GALNT18: variants seen among roughly 807,000 people sequenced by gnomAD.
The protein encoded by GALNT18 is GalNAc-transferase 18.
A neutral mutation model predicts 69.5 loss-of-function variants in GALNT18; 44 were observed. The observed-to-expected ratio is 0.63, with a 90% confidence interval of 0.50 to 0.81. GALNT18 has a LOEUF of 0.81. Among genes scored for constraint, GALNT18 ranks in the 40% least tolerant of loss-of-function variants. The pLI is 0.00. For synonymous variants in GALNT18, 364 were observed against 318.2 expected, an observed-to-expected ratio of 1.14 and a Z score of -1.53; for missense variants, 715 against 810.0, an observed-to-expected ratio of 0.88 and a Z score of 1.42.
intron 6 of GALNT18, chr11:11,351,842 T>A: frequency 1.1e-6 from 1 of 892,926 alleles, no homozygotes; most frequent in Non-Finnish European, 1.7e-6. Context: ...TCAGACACGT[T>A]GCTTCTGAAG....
intron 1 of GALNT18, among the ~76,000 whole-genome samples, chr11:11,522,950 CCT>C (rs1399938247): frequency 6.6e-6 from 1 of 152,184 alleles, no homozygotes; most frequent in East Asian, 1.9e-4. Flanking sequence ...AACTTCTTCC[CCT>C]GTCCTCAGAT....
chr11:11,502,979 C>T (rs758328902), intron 1 of GALNT18, among the ~76,000 whole-genome samples: 11 of 152,154 alleles, frequency 7.2e-5, no homozygotes, highest in Non-Finnish European at 1.0e-4. Flanking sequence ...TTGCAGTTCC[C>T]GTCAAAATGT....
rs753505729 is a variant in GALNT18, at chr11:11,463,879, C to T, written c.236-14943G>A. On this transcript the variant is annotated intron_variant, in intron 1 of 10. Coordinates refer to ENST00000227756, the MANE Select transcript of GALNT18 (RefSeq NM_198516.3). The surrounding 1 kb of genome is among the most constrained non-coding windows in gnomAD (Gnocchi z 4.2). The stretch of plus-strand genomic sequence containing the variant: ...TATTATGAATGCAGTATGTGTCCGG[C>T]GGAATGTGTGCAAAAACCGTCATGC... 6.6e-6 allele frequency among the ~76,000 whole-genome samples: 1 copy of T among 152,046 alleles called. No individual in the cohort carries two copies. The highest frequency in any genetic ancestry group is 1.9e-4 in the East Asian group (1 of 5,192).
chr11:11,361,868 C>A (rs1452684070), intron 6 of GALNT18, among the ~76,000 whole-genome samples: 1 of 152,160 alleles, frequency 6.6e-6, no homozygotes, highest in African/African-American at 2.4e-5. Flanking sequence ...TCTTCCCCTC[C>A]TTTGAATCCA....
At position 11,563,924 on chromosome 11, in the gene GALNT18, T is replaced by C. The variant is rs1237577789; in HGVS notation, c.235+57435A>G. 6.6e-6 allele frequency among the ~76,000 whole-genome samples: 1 copy of C among 152,066 alleles called. No homozygotes were observed. Among genetic ancestry groups the C allele is most frequent in the Non-Finnish European group, 1.5e-5 (1 of 68,006 alleles). Reference sequence around the variant, plus strand: ...AGTTCTGAAAGCAAGAAACTGTTGATAGAGGAAAAAATGCAGAGAGAAGGA... The same window carrying C: ...AGTTCTGAAAGCAAGAAACTGTTGACAGAGGAAAAAATGCAGAGAGAAGGA... On this transcript the variant is annotated intron_variant, in intron 1 of 10. Transcript: ENST00000227756. This position sits in a 1 kb window ranked among gnomAD's most constrained non-coding sequence, Gnocchi z 4.6.
intron 1 of GALNT18, among the ~76,000 whole-genome samples, chr11:11,466,540 C>A (rs1158070312): frequency 6.6e-6 from 1 of 152,172 alleles, no homozygotes; most frequent in Admixed American, 6.5e-5. Flanking sequence ...GGACAGTGGA[C>A]CCTGAGAGAG....
In GALNT18 at chr11:11,601,377, C is replaced by A. The variant is rs925671198; in HGVS notation, c.235+19982G>T. On this transcript the variant is annotated intron_variant, in intron 1 of 10. Coordinates refer to ENST00000227756, the MANE Select transcript of GALNT18 (RefSeq NM_198516.3). This position sits in a 1 kb window ranked among gnomAD's most constrained non-coding sequence, Gnocchi z 4.0. The stretch of plus-strand genomic sequence containing the variant: ...CTAATACTACTTCTTGAAGGTGAAA[C>A]CTTAGGCATGTGCACAGTGTCCTGA... Among the ~76,000 whole-genome samples, 8 of 152,124 alleles carry A rather than the reference C, an allele frequency of 5.3e-5. No individual in the cohort carries two copies. Among genetic ancestry groups the A allele is most frequent in the African/African-American group, 1.9e-4 (8 of 41,420 alleles).
chr11:11,602,922 G>A lies in GALNT18; in HGVS notation c.235+18437C>T, dbSNP rs7947795. 2.6e-5 allele frequency among the ~76,000 whole-genome samples: 4 copies of A among 152,204 alleles called. No individual in the cohort carries two copies. Among genetic ancestry groups the A allele is most frequent in the African/African-American group, 9.7e-5 (4 of 41,442 alleles). ...AGGAGTCAAAATGGGTGGTAAACTT[G>A]GGAAATACTAGAATTTATGATTCAT... On this transcript the variant is annotated intron_variant, in intron 1 of 10. Coordinates refer to ENST00000227756, the MANE Select transcript of GALNT18 (RefSeq NM_198516.3). This position sits in a 1 kb window ranked among gnomAD's most constrained non-coding sequence, Gnocchi z 4.7.
chr11:11,516,813 T>C (rs7946620), intron 1 of GALNT18, among the ~76,000 whole-genome samples: 24,107 of 152,114 alleles, frequency 0.16, 2,109 homozygotes, highest in South Asian at 0.22. Context: ...TATTAGGACA[T>C]ATGGATGTGC....
intron 1 of GALNT18, among the ~76,000 whole-genome samples, chr11:11,553,346 C>G (rs1191125123): frequency 6.6e-6 from 1 of 152,224 alleles, no homozygotes; most frequent in East Asian, 1.9e-4. Flanking sequence ...TATACTTTGC[C>G]TTCCCAGTCA....
At chr11:11,610,603 T>G (rs75706316) in intron 1 of GALNT18, among the ~76,000 whole-genome samples, 1 of 152,126 alleles carries the variant, frequency 6.6e-6, no homozygotes, top group South Asian at 2.1e-4. Flanking sequence ...GGATTCTTCT[T>G]CTAATATAAA....
rs573428957 is a variant in GALNT18 at position 11,404,792 on chromosome 11, C to T, written c.596-25528G>A. Among the ~76,000 whole-genome samples, 7 of 152,228 alleles carry T rather than the reference C, an allele frequency of 4.6e-5. No homozygotes were observed. The highest frequency in any genetic ancestry group is 1.2e-4 in the African/African-American group (5 of 41,532). ...CGCACAGACCCTGACCATACCCTGG[C>T]GACTCCATCAGCTATGATTTCACCA... is the stretch of plus-strand genomic sequence containing the variant. On this transcript the variant is annotated intron_variant, in intron 3 of 10. Coordinates refer to ENST00000227756, the MANE Select transcript of GALNT18 (RefSeq NM_198516.3). The surrounding 1 kb of genome is among the most constrained non-coding windows in gnomAD (Gnocchi z 4.5).
chr11:11,465,245 G>A lies in GALNT18; in HGVS notation c.236-16309C>T, dbSNP rs769735880. ...ATGTCAAGGAGGCCACATTGGCACC[G>A]GGAGCTGAATGCCACAGTGGGAGGG... is the stretch of plus-strand genomic sequence containing the variant. On this transcript the variant is annotated intron_variant, in intron 1 of 10. Coordinates refer to ENST00000227756, the MANE Select transcript of GALNT18 (RefSeq NM_198516.3). The surrounding 1 kb of genome is among the most constrained non-coding windows in gnomAD (Gnocchi z 5.7). Among the ~76,000 whole-genome samples, 7 of 152,264 alleles carry A rather than the reference G, an allele frequency of 4.6e-5. No individual in the cohort carries two copies. Among genetic ancestry groups the A allele is most frequent in the Non-Finnish European group, 7.4e-5 (5 of 68,024 alleles).
intron 6 of GALNT18, among the ~76,000 whole-genome samples, chr11:11,371,241 G>A (rs572082605): frequency 1.3e-5 from 2 of 152,226 alleles, no homozygotes; most frequent in Non-Finnish European, 1.5e-5. Context: ...CAGGCATTGT[G>A]AGATGCTCAC....
chr11:11,545,373 G>C (rs966443215), intron 1 of GALNT18, among the ~76,000 whole-genome samples: 1 of 152,228 alleles, frequency 6.6e-6, no homozygotes, highest in Non-Finnish European at 1.5e-5. Context: ...TCAGGAAAGA[G>C]GGCTTCCTTC....
At chr11:11,516,953 GGTA>G (rs1857290451) in intron 1 of GALNT18, among the ~76,000 whole-genome samples, 1 of 152,322 alleles carries the variant, frequency 6.6e-6, no homozygotes, top group East Asian at 1.9e-4. Flanking sequence ...CCAAGGTGGT[GGTA>G]CTAGGAGGTG....
At chr11:11,361,292 A>C (rs530584071) in intron 6 of GALNT18, among the ~76,000 whole-genome samples, 15 of 152,336 alleles carry the variant, frequency 9.8e-5, no homozygotes, top group Admixed American at 9.2e-4. Context: ...CTTGGGTTCA[A>C]ATCGCATCTT....
At chr11:11,414,578 C>T (rs191988901) in intron 3 of GALNT18, among the ~76,000 whole-genome samples, 96 of 152,320 alleles carry the variant, frequency 6.3e-4, no homozygotes, top group Non-Finnish European at 8.1e-4. Context: ...CTGAAGCATG[C>T]TCCCCACCCC....
At chr11:11,569,884 G>A (rs1858744664) in intron 1 of GALNT18, among the ~76,000 whole-genome samples, 1 of 152,152 alleles carries the variant, frequency 6.6e-6, no homozygotes, top group Non-Finnish European at 1.5e-5. Flanking sequence ...AGAGAGGCCA[G>A]TCCATGGAGA....
Sources: gnomAD v4.1 joint callset for allele counts (sites outside exome capture counted in the v4.1 genomes callset) on GRCh38, gnomAD v4.1.1 for gene constraint, Gnocchi (gnomAD v3.1) non-coding constraint, MANE v1.5 for transcripts, NCBI Gene and HGNC (gene_info 2026-07-23, HGNC 2026-07-21) for gene names.